Variants in PHACTR1 observed in about 807,000 individuals in gnomAD.
PHACTR1 encodes phosphatase and actin regulator 1.
PHACTR1 carries 16 observed loss-of-function variants against 69.2 expected under a neutral mutation model. The observed-to-expected ratio is 0.23, with a 90% CI of 0.16 to 0.35. PHACTR1 has a LOEUF of 0.35. Among genes scored for constraint, PHACTR1 ranks in the 10% least tolerant of loss-of-function variants. The probability of loss-of-function intolerance (pLI) is 1.00; values close to 1 mark genes in which losing one functional copy is unlikely to be tolerated. For synonymous variants in PHACTR1, 312 were observed against 284.5 expected, an observed-to-expected ratio of 1.10 and a Z score of -0.97; for missense variants, 510 against 734.7, an observed-to-expected ratio of 0.69 and a Z score of 3.54.
chr6:12,894,259 A>G (rs1239140160), intron 4 of PHACTR1, among the ~76,000 whole-genome samples: 3 of 152,258 alleles, frequency 2.0e-5, no homozygotes, highest in Non-Finnish European at 2.9e-5. Flanking sequence ...ATTATTTTTC[A>G]CTACACTTTA....
intron 4 of PHACTR1, among the ~76,000 whole-genome samples, chr6:12,951,921 T>C (rs1382867269): frequency 6.6e-6 from 1 of 152,206 alleles, no homozygotes; most frequent in Non-Finnish European, 1.5e-5. Context: ...CTGCTGTTTA[T>C]GTAGTGGCAT....
chr6:12,950,352 C>G (rs1302735788), intron 4 of PHACTR1, among the ~76,000 whole-genome samples: 1 of 152,344 alleles, frequency 6.6e-6, no homozygotes, highest in East Asian at 1.9e-4. Flanking sequence ...ATGATGGCAT[C>G]TCTGCAGTCC....
intron 4 of PHACTR1, among the ~76,000 whole-genome samples, chr6:12,928,356 C>T (rs970043460): frequency 6.6e-6 from 1 of 152,072 alleles, no homozygotes; most frequent in Admixed American, 6.5e-5. Flanking sequence ...ATGCCCGGCA[C>T]GTTCAACGTT....
intron 7 of PHACTR1, among the ~76,000 whole-genome samples, chr6:13,187,848 A>C (rs1199003860): frequency 6.6e-6 from 1 of 151,606 alleles, no homozygotes; most frequent in Non-Finnish European, 1.5e-5. Context: ...CAGTGAGAAG[A>C]GAGAGAGCAA....
intron 4 of PHACTR1, among the ~76,000 whole-genome samples, chr6:12,815,759 T>C (rs1775507352): frequency 6.6e-6 from 1 of 152,218 alleles, no homozygotes; most frequent in African/African-American, 2.4e-5. Flanking sequence ...TTTGTCCTTT[T>C]CCCCAGTCTA....
chr6:13,121,961 G>A (rs9349466), intron 5 of PHACTR1, among the ~76,000 whole-genome samples: 80,863 of 152,032 alleles, frequency 0.53, 22,762 homozygotes, highest in East Asian at 0.77. Context: ...GTGTATATGC[G>A]TATATAAGTA....
chr6:12,925,034 A>G (rs565421235), intron 4 of PHACTR1, among the ~76,000 whole-genome samples: 2 of 152,268 alleles, frequency 1.3e-5, no homozygotes, highest in Admixed American at 6.5e-5. Context: ...TTTGATTCAC[A>G]TTCAGATCCA....
intron 7 of PHACTR1, among the ~76,000 whole-genome samples, chr6:13,183,766 A>C (rs9381812): frequency 6.6e-6 from 1 of 152,020 alleles, no homozygotes; most frequent in Non-Finnish European, 1.5e-5. Flanking sequence ...TTTTTTAAAA[A>C]GAATCCAGAC....
At chr6:12,757,923 C>T (rs1767536125) in intron 4 of PHACTR1, among the ~76,000 whole-genome samples, 1 of 152,046 alleles carries the variant, frequency 6.6e-6, no homozygotes, top group Admixed American at 6.6e-5. Flanking sequence ...ACGAGCCTGG[C>T]CAACACGGTG....
At chr6:12,756,497 T>C (rs1165838981) in intron 4 of PHACTR1, among the ~76,000 whole-genome samples, 1 of 152,188 alleles carries the variant, frequency 6.6e-6, no homozygotes, top group African/African-American at 2.4e-5. Flanking sequence ...ATCAATTTTA[T>C]GGCCTTGTTG....
At chr6:12,741,303 C>G (rs114398677) in intron 3 of PHACTR1, among the ~76,000 whole-genome samples, 6,302 of 151,786 alleles carry the variant, frequency 0.042, 437 homozygotes, top group African/African-American at 0.14. Context: ...TTTTGAAGGT[C>G]ATAAAAATAT....
chr6:13,081,710 C>T (rs1218215540), intron 5 of PHACTR1, among the ~76,000 whole-genome samples: 1 of 152,014 alleles, frequency 6.6e-6, no homozygotes, highest in African/African-American at 2.4e-5. Flanking sequence ...ACCTGTAATC[C>T]CAGCCACTTG....
chr6:12,966,612 T>A (rs1249123374), intron 4 of PHACTR1, among the ~76,000 whole-genome samples: 1 of 152,258 alleles, frequency 6.6e-6, no homozygotes, highest in Non-Finnish European at 1.5e-5. Context: ...CTTCATGTTT[T>A]TGTTCAAATT....
At chr6:13,027,390 C>A (rs181923611) in intron 4 of PHACTR1, among the ~76,000 whole-genome samples, 17 of 152,266 alleles carry the variant, frequency 1.1e-4, no homozygotes, top group Admixed American at 4.6e-4. Context: ...CAAGTTCCTT[C>A]ATTTGTCTTT....
chr6:13,195,779 A>AAAAG lies in PHACTR1; in HGVS notation c.665-10035_665-10034insAAGA, dbSNP rs201554952. ...TCTCAAAAAAAAAAAAAAAAAAAAAAAGTTCATTTGTGGTGGTAAGAAGAG... is the reference window on the plus strand; with the variant it reads ...TCTCAAAAAAAAAAAAAAAAAAAAAAAAAGAGTTCATTTGTGGTGGTAAGAAGAG... On this transcript the variant is annotated intron_variant, in intron 7 of 14. Transcript: ENST00000332995. 6.9e-4 allele frequency among the ~76,000 whole-genome samples: 82 copies of AAAAG among 118,558 alleles called. 1 individual carries two copies. Among genetic ancestry groups the AAAAG allele is most frequent in the Middle Eastern group, 5.1e-3 (1 of 198 alleles). 77.8% of individuals were successfully genotyped at this position (118,558 alleles called of 152,430 possible). A position where few individuals can be genotyped will look rare whatever the true frequency, so the allele number is the denominator to read the frequency against.
chr6:13,017,748 T>C (rs1800396668), intron 4 of PHACTR1, among the ~76,000 whole-genome samples: 1 of 152,024 alleles, frequency 6.6e-6, no homozygotes, highest in Non-Finnish European at 1.5e-5. Context: ...TTATAATATA[T>C]TTAATAATTA....
chr6:12,876,660 C>CA (rs900776551), intron 4 of PHACTR1, among the ~76,000 whole-genome samples: 4 of 151,634 alleles, frequency 2.6e-5, no homozygotes, highest in African/African-American at 7.3e-5. Context: ...TACACATCAA[C>CA]AAAAAAAAGT....
intron 3 of PHACTR1, among the ~76,000 whole-genome samples, chr6:12,722,137 T>G (rs1380057456): frequency 6.6e-6 from 1 of 152,162 alleles, no homozygotes; most frequent in East Asian, 1.9e-4. Flanking sequence ...GAAAGTACAG[T>G]ATGGGGTTAA....
intron 4 of PHACTR1, among the ~76,000 whole-genome samples, chr6:12,971,163 C>A (rs1794150991): frequency 6.6e-6 from 1 of 152,178 alleles, no homozygotes; most frequent in South Asian, 2.1e-4. Context: ...CAGGGCTGAG[C>A]AGCACAAACC....
Sources: allele counts gnomAD v4.1 joint callset (sites outside exome capture counted in the v4.1 genomes callset), GRCh38; gene constraint gnomAD v4.1.1; transcripts MANE v1.5; gene names NCBI Gene and HGNC (gene_info 2026-07-23, HGNC 2026-07-21).